ITPR2: variants seen among roughly 807,000 people sequenced by gnomAD.
The protein encoded by ITPR2 is inositol 1,4,5-trisphosphate receptor type 2, also known as inositol 1,4,5-trisphosphate-gated calcium channel ITPR2.
A neutral mutation model predicts 317.1 loss-of-function variants in ITPR2; 207 were observed. The ratio of observed to expected loss-of-function variants is 0.65; its 90% CI spans 0.58 to 0.73. The LOEUF (loss-of-function observed/expected upper bound fraction) is 0.73, where lower values mean the gene tolerates loss of function less well. Among genes scored for constraint, ITPR2 ranks in the 30% least tolerant of loss-of-function variants. ITPR2 has a pLI of 0.00. For synonymous variants in ITPR2, 1,156 were observed against 1,149.1 expected, an observed-to-expected ratio of 1.01 and a Z score of -0.12; for missense variants, 2,613 against 3,284.0, an observed-to-expected ratio of 0.80 and a Z score of 4.99.
intron 13 of ITPR2, among the ~76,000 whole-genome samples, chr12:26,675,643 A>G (rs1187692212): frequency 2.6e-5 from 4 of 152,292 alleles, no homozygotes; most frequent in African/African-American, 4.8e-5. Context: ...ACATGTATAC[A>G]TATGTAACTA....
chr12:26,409,369 A>T (rs1048490128), intron 52 of ITPR2, among the ~76,000 whole-genome samples: 3 of 152,258 alleles, frequency 2.0e-5, no homozygotes, highest in Admixed American at 1.3e-4. Context: ...CATGGGCGGA[A>T]TGATGTTAAC....
At chr12:26,700,489 G>A (rs1170665408) in intron 9 of ITPR2, among the ~76,000 whole-genome samples, 2 of 152,238 alleles carry the variant, frequency 1.3e-5, no homozygotes, top group Non-Finnish European at 2.9e-5. Flanking sequence ...GGCACTTGGA[G>A]TACATCAACT....
At chr12:26,682,240 C>T (rs533550280) in intron 12 of ITPR2, among the ~76,000 whole-genome samples, 2 of 152,294 alleles carry the variant, frequency 1.3e-5, no homozygotes, top group Admixed American at 6.5e-5. Flanking sequence ...CAAAGCCCCA[C>T]TGGAAACTTC....
chr12:26,442,003 T>C (rs1042235166), intron 46 of ITPR2, among the ~76,000 whole-genome samples: 2 of 152,116 alleles, frequency 1.3e-5, no homozygotes, highest in Admixed American at 6.6e-5. Flanking sequence ...AGTCCAGCCA[T>C]CTTCGATATC....
At chr12:26,693,132 T>C (rs1051039400) in intron 10 of ITPR2, among the ~76,000 whole-genome samples, 1 of 152,198 alleles carries the variant, frequency 6.6e-6, no homozygotes, top group African/African-American at 2.4e-5. Context: ...CTGTCTGCAG[T>C]TGGATGTCTC....
chr12:26,639,328 CT>C (rs1385512310), intron 21 of ITPR2, among the ~76,000 whole-genome samples: 1 of 152,078 alleles, frequency 6.6e-6, no homozygotes, highest in African/African-American at 2.4e-5. Flanking sequence ...TAAGAAAGGC[CT>C]ACCCTTTGCG....
At chr12:26,489,850 T>C (rs1942757947) in intron 39 of ITPR2, among the ~76,000 whole-genome samples, 1 of 152,168 alleles carries the variant, frequency 6.6e-6, no homozygotes, top group Non-Finnish European at 1.5e-5. Context: ...GCAAGACTTT[T>C]TTGGCTAAGG....
At chr12:26,361,360 T>C (rs1298399608) in intron 55 of ITPR2, among the ~76,000 whole-genome samples, 2 of 152,232 alleles carry the variant, frequency 1.3e-5, no homozygotes, top group Admixed American at 6.5e-5. Context: ...ATGGTTTATA[T>C]ATCATATAAG....
intron 37 of ITPR2, among the ~76,000 whole-genome samples, chr12:26,510,541 A>G (rs566854326): frequency 6.6e-6 from 1 of 152,300 alleles, no homozygotes; most frequent in African/African-American, 2.4e-5. Context: ...CATGTCCCCA[A>G]ATCACTTCCA....
intron 54 of ITPR2, among the ~76,000 whole-genome samples, chr12:26,390,552 CCA>C (rs1218256899): frequency 6.6e-6 from 1 of 152,078 alleles, no homozygotes; most frequent in East Asian, 1.9e-4. Flanking sequence ...ATAGGCAAAT[CCA>C]CAGAGGCAAA....
At chr12:26,713,913 G>A (rs1364109413) in intron 8 of ITPR2, among the ~76,000 whole-genome samples, 1 of 152,128 alleles carries the variant, frequency 6.6e-6, no homozygotes, top group Non-Finnish European at 1.5e-5. Context: ...CTTCTGGGAG[G>A]TGTTTCATGC....
chr12:26,820,150 G>C (rs561654567), intron 1 of ITPR2, among the ~76,000 whole-genome samples: 1 of 152,182 alleles, frequency 6.6e-6, no homozygotes, highest in East Asian at 1.9e-4. Flanking sequence ...TGTGTAGAGA[G>C]AGATGACACA....
Position 26,561,751 on chromosome 12 carries a change from C to T in ITPR2, c.4821+11G>A, listed in dbSNP as rs1048515319. 4 of 1,537,962 alleles carry T rather than the reference C, an allele frequency of 2.6e-6. No individual in the cohort carries two copies. In the Admixed American group the frequency reaches 7.4e-5, roughly 28 times the overall value. On this transcript the variant is annotated intron_variant, in intron 35 of 56. Transcript: ENST00000381340. ...TAGAAAATATTAATGCTATTTCACG[C>T]TTTCATGTACCTGTAACTTTTCAAT...
At chr12:26,629,160 C>T (rs987960926) in intron 22 of ITPR2, among the ~76,000 whole-genome samples, 3 of 152,254 alleles carry the variant, frequency 2.0e-5, no homozygotes, top group African/African-American at 4.8e-5. Context: ...CCTCCTCCTA[C>T]GCCCCTTCTC....
At chr12:26,418,128 G>A (rs1330641274) in intron 50 of ITPR2, among the ~76,000 whole-genome samples, 1 of 152,140 alleles carries the variant, frequency 6.6e-6, no homozygotes, top group Non-Finnish European at 1.5e-5. Flanking sequence ...GAGGGTATAT[G>A]GAAAATTGGC....
At chr12:26,575,248 G>A (rs909282640) in intron 34 of ITPR2, among the ~76,000 whole-genome samples, 4 of 149,804 alleles carry the variant, frequency 2.7e-5, no homozygotes, top group Non-Finnish European at 5.9e-5. Context: ...GTTGCTGAAG[G>A]TTGGGGATGT....
In ITPR2 at chr12:26,670,410, A is replaced by C. The variant is rs117024885; in HGVS notation, c.1410-4359T>G. Among the ~76,000 whole-genome samples, 69 of 152,306 alleles carry C rather than the reference A, an allele frequency of 4.5e-4. No homozygotes were observed. The East Asian group carries it at 0.013, about 29-fold the overall frequency. ...GGTTCACGAAAAACTGCTGTTATACAAACACCGCTGCTGATACCCAGGCAA... is the reference window on the plus strand; with the variant it reads ...GGTTCACGAAAAACTGCTGTTATACCAACACCGCTGCTGATACCCAGGCAA... On this transcript the variant is annotated intron_variant, in intron 13 of 56. Transcript: ENST00000381340.
At chr12:26,569,669 A>G (rs988090621) in intron 34 of ITPR2, among the ~76,000 whole-genome samples, 3 of 152,184 alleles carry the variant, frequency 2.0e-5, no homozygotes, top group Admixed American at 2.0e-4. Flanking sequence ...CTATTAGGAG[A>G]AATAAGGAAA....
In ITPR2 at chr12:26,428,023, A is replaced by G. The variant is rs763954781; in HGVS notation, c.6835T>C (p.Phe2279Leu). 34 of 1,613,170 alleles carry G rather than the reference A, an allele frequency of 2.1e-5. No individual in the cohort carries two copies. Among genetic ancestry groups the G allele is most frequent in the Non-Finnish European group, 2.5e-5 (30 of 1,179,538 alleles). The change falls in exon 49 of 57, where the codon TTT becomes CTT. Residue 2279 changes from phenylalanine (F) to leucine (L), a missense_variant. Phe to Leu is a conservative substitution (Grantham distance 22, BLOSUM62 0). Around this residue, in one of 9 missense-constraint regions of ITPR2, gnomAD observed 926 missense variants for 1,072.8 expected, o/e 0.86. Transcript: ENST00000381340. Reference sequence around the variant, plus strand: ...ATACCCACAGGCTTGGAGAAGAAAAACAGCATAGATGTGCAGATCGCAACT... The same window carrying G: ...ATACCCACAGGCTTGGAGAAGAAAAGCAGCATAGATGTGCAGATCGCAACT... ...IAVAICTSMLFFFSKPVGIRP... is the reference protein window; with the variant it reads ...IAVAICTSMLLFFSKPVGIRP...
Sources: gnomAD v4.1 joint callset for allele counts (sites outside exome capture counted in the v4.1 genomes callset) on GRCh38, gnomAD v4.1.1 for gene constraint, gnomAD v4.1.1 regional missense constraint, MANE v1.5 for transcripts, NCBI Gene and HGNC (gene_info 2026-07-23, HGNC 2026-07-21) for gene names.